Variants in ABCA13 observed in about 807,000 individuals in gnomAD.
The protein encoded by ABCA13 is ATP binding cassette subfamily A member 13.
Under a neutral mutation model 478.7 loss-of-function variants are expected in ABCA13, and 476 were observed. The ratio of observed to expected loss-of-function variants is 0.99; its 90% CI spans 0.92 to 1.07. The LOEUF is 1.07. Among genes scored for constraint, ABCA13 ranks in the 50% least tolerant of loss-of-function variants. ABCA13 has a pLI of 0.00. For synonymous variants in ABCA13, 2,252 were observed against 2,158.9 expected, an observed-to-expected ratio of 1.04 and a Z score of -1.20; for missense variants, 6,060 against 5,910.6, an observed-to-expected ratio of 1.03 and a Z score of -0.83.
intron 41 of ABCA13, among the ~76,000 whole-genome samples, chr7:48,414,665 G>T (rs931539503): frequency 6.6e-6 from 1 of 151,238 alleles, no homozygotes; most frequent in African/African-American, 2.4e-5. Context: ...TCAGGGTTTC[G>T]TTGTGTTGCT....
At chr7:48,489,542 T>C (rs1829656025) in intron 48 of ABCA13, among the ~76,000 whole-genome samples, 198 bp downstream of exon 48, 1 of 152,190 alleles carries the variant, frequency 6.6e-6, no homozygotes, top group South Asian at 2.1e-4. Flanking sequence ...GTCTTTATTT[T>C]CTTGAACCTG....
intron 19 of ABCA13, among the ~76,000 whole-genome samples, chr7:48,286,460 T>C (rs566558744): frequency 6.6e-6 from 1 of 151,926 alleles, no homozygotes; most frequent in Admixed American, 6.6e-5. Flanking sequence ...CTTCTTTCAC[T>C]TAGTAATATG....
chr7:48,421,110 A>G (rs1820682695), intron 41 of ABCA13, among the ~76,000 whole-genome samples: 1 of 152,080 alleles, frequency 6.6e-6, no homozygotes, highest in African/African-American at 2.4e-5. Context: ...GATCTGTCCC[A>G]TGGCTAGTGA....
intron 35 of ABCA13, among the ~76,000 whole-genome samples, chr7:48,380,262 A>C (rs1814137159): frequency 6.6e-6 from 1 of 152,046 alleles, no homozygotes; most frequent in African/African-American, 2.4e-5. Context: ...AATTTCTACT[A>C]TTCAAGAATA....
intron 47 of ABCA13, among the ~76,000 whole-genome samples, chr7:48,485,134 A>C (rs775910078): frequency 6.6e-6 from 1 of 152,124 alleles, no homozygotes; most frequent in Non-Finnish European, 1.5e-5. Flanking sequence ...GAACTTACAC[A>C]CTTCAGTTAA....
At chr7:48,548,914 G>T (rs1785062880) in intron 55 of ABCA13, among the ~76,000 whole-genome samples, 1 of 151,748 alleles carries the variant, frequency 6.6e-6, no homozygotes, top group Admixed American at 6.6e-5. Context: ...CAGGAAGGGA[G>T]GATTATTCTC....
intron 58 of ABCA13, chr7:48,612,092 C>A (rs1792083110): frequency 6.6e-6 from 1 of 152,162 alleles, no homozygotes; most frequent in Non-Finnish European, 1.5e-5. Context: ...CCAACCAAGG[C>A]CTTGGGTTCT....
chr7:48,608,420 A>G (rs1791687231), intron 58 of ABCA13, among the ~76,000 whole-genome samples: 1 of 152,220 alleles, frequency 6.6e-6, no homozygotes, highest in Non-Finnish European at 1.5e-5. Flanking sequence ...CTCTGGGTTC[A>G]CAAAGAACAT....
At chr7:48,403,595 C>A in intron 38 of ABCA13, 88 bp from the exon 39 acceptor site, 1 of 1,317,542 alleles carries the variant, frequency 7.6e-7, no homozygotes, top group Non-Finnish European at 1.1e-6. Context: ...ACGATTTCAG[C>A]CACTGTTAGT....
chr7:48,307,434 G>A (rs1801071079), intron 23 of ABCA13, among the ~76,000 whole-genome samples: 1 of 152,054 alleles, frequency 6.6e-6, no homozygotes, highest in South Asian at 2.1e-4. Context: ...GAAAAATATG[G>A]TATAAAAGAT....
intron 1 of ABCA13, among the ~76,000 whole-genome samples, chr7:48,186,495 T>C (rs559993052): frequency 2.6e-5 from 4 of 152,262 alleles, no homozygotes; most frequent in East Asian, 1.9e-4. Flanking sequence ...AGTTTCACTA[T>C]ACCATGTCTT....
Position 48,372,430 on chromosome 7 carries a change from G to C in ABCA13, c.11066G>C (p.Ser3689Thr). The C allele has an allele frequency of 6.2e-7, 1 of 1,613,032 alleles. No individual in the cohort carries two copies. The highest frequency in any genetic ancestry group is 8.5e-7 in the Non-Finnish European group (1 of 1,179,776). ...ALCTSLVYMI[S>T]FLPYIVLLVL... ...TGTACCAGCCTGGTGTACATGATCAGCTTTCTGCCCTACATAGTTCTATTG... is the reference window on the plus strand; with the variant it reads ...TGTACCAGCCTGGTGTACATGATCACCTTTCTGCCCTACATAGTTCTATTG... The change falls in exon 33 of 62, where the codon AGC becomes ACC. Residue 3689 changes from serine (S) to threonine (T), a missense_variant. This residue lies in a region of ABCA13 where 4,423 missense variants were observed against 4,309.1 expected (regional missense o/e 1.03). Coordinates refer to ENST00000435803, the MANE Select transcript of ABCA13 (RefSeq NM_152701.5).
At chr7:48,380,261 T>TA (rs971536628) in intron 35 of ABCA13, among the ~76,000 whole-genome samples, 75 of 152,334 alleles carry the variant, frequency 4.9e-4, no homozygotes, top group African/African-American at 1.8e-3. Context: ...AAATTTCTAC[T>TA]ATTCAAGAAT....
At position 48,328,311 on chromosome 7, in the gene ABCA13, A is replaced by G. The variant is rs140031741; in HGVS notation, c.10000-7111A>G. ...GAGAGAACAAAATCCATTGCAATCCACTTTCTGACTGTAGGCATCAAATCA... is the reference window on the plus strand; with the variant it reads ...GAGAGAACAAAATCCATTGCAATCCGCTTTCTGACTGTAGGCATCAAATCA... On this transcript the variant is annotated intron_variant, in intron 27 of 61. Coordinates refer to ENST00000435803, the MANE Select transcript of ABCA13 (RefSeq NM_152701.5). 2.0e-4 allele frequency among the ~76,000 whole-genome samples: 30 copies of G among 152,240 alleles called. No individual in the cohort carries two copies. The East Asian group carries it at 2.9e-3, about 15-fold the overall frequency.
chr7:48,412,248 A>G, intron 40 of ABCA13, 105 bp from the exon 41 acceptor site: 3 of 795,580 alleles, frequency 3.8e-6, no homozygotes, highest in Non-Finnish European at 5.9e-6. Context: ...AAGCTTTGAA[A>G]TGGAGTTTTG....
At chr7:48,180,679 G>C (rs939374042) in intron 1 of ABCA13, among the ~76,000 whole-genome samples, 1 of 151,986 alleles carries the variant, frequency 6.6e-6, no homozygotes, top group African/African-American at 2.4e-5. Context: ...CATCTGCCTC[G>C]GCCTCCCAAA....
intron 55 of ABCA13, among the ~76,000 whole-genome samples, chr7:48,565,240 G>T (rs1585826852): frequency 4.0e-5 from 5 of 125,474 alleles, no homozygotes; most frequent in Admixed American, 8.2e-5. Flanking sequence ...TTTGCCAGTA[G>T]TTTATAACAT....
intron 21 of ABCA13, 66 bp downstream of exon 21, chr7:48,295,929 CT>C: frequency 1.3e-6 from 2 of 1,490,264 alleles, no homozygotes; most frequent in East Asian, 4.6e-5. Context: ...GTCTAGGACT[CT>C]TTAAAATGTG....
Position 48,471,554 on chromosome 7 carries a change from A to G in ABCA13, c.12930A>G (p.Thr4310=), listed in dbSNP as rs1356668099. 2 of 1,563,256 alleles carry G rather than the reference A, an allele frequency of 1.3e-6. No individual in the cohort carries two copies. The highest frequency in any genetic ancestry group is 1.4e-5 in the African/African-American group (1 of 74,060). Residue 4310 remains threonine (T), a synonymous_variant, in exon 45 of 62, where the codon ACA becomes ACG. Transcript: ENST00000435803. The part of the protein sequence containing the change: ...PRQKNSSCWR[T]DPFSHPEFQD... ...GGAAGAATTCTTCATGCTGGCGCAC[A>G]GATCCCTTTTCTCACCCAGAATTCC...
Sources: allele counts gnomAD v4.1 joint callset (sites outside exome capture counted in the v4.1 genomes callset), GRCh38; gene constraint gnomAD v4.1.1; regional missense constraint gnomAD v4.1.1; transcripts MANE v1.5; gene names NCBI Gene and HGNC (gene_info 2026-07-23, HGNC 2026-07-21).